Variants in USP13 observed in about 807,000 individuals in gnomAD.
The protein encoded by USP13 is ubiquitin carboxyl-terminal hydrolase 13.
In USP13, 68 loss-of-function variants were observed where a neutral mutation model predicts 107.8. The observed-to-expected ratio is 0.63, with a 90% confidence interval of 0.52 to 0.77. The LOEUF is 0.77. USP13 is among the 30% of genes least tolerant of loss of function. The pLI, the probability that USP13 is intolerant of heterozygous loss-of-function variation, is 0.00. For missense variants in USP13, 945 were observed against 1,093.3 expected (o/e 0.86, Z 1.91); for synonymous variants, 377 against 389.5 (o/e 0.97, Z 0.38).
chr3:179,777,259 T>C (rs1210947165), intron 19 of USP13, among the ~76,000 whole-genome samples: 1 of 152,098 alleles, frequency 6.6e-6, no homozygotes, highest in Non-Finnish European at 1.5e-5. Flanking sequence ...ATTTGTCCTT[T>C]CTCTGTGTCT....
At chr3:179,741,343 G>C (rs1714192755) in intron 11 of USP13, among the ~76,000 whole-genome samples, 1 of 149,750 alleles carries the variant, frequency 6.7e-6, no homozygotes, top group Non-Finnish European at 1.5e-5. Flanking sequence ...TTGTTTCCTT[G>C]TTAGAACTAG....
At chr3:179,732,636 G>A (rs1265708953) in intron 10 of USP13, among the ~76,000 whole-genome samples, 2 of 151,630 alleles carry the variant, frequency 1.3e-5, no homozygotes, top group African/African-American at 4.9e-5. Context: ...GACCGTTTCT[G>A]TGCTCTTGGG....
At chr3:179,737,548 A>G (rs1049819270) in intron 10 of USP13, among the ~76,000 whole-genome samples, 2 of 152,218 alleles carry the variant, frequency 1.3e-5, no homozygotes, top group Non-Finnish European at 2.9e-5. Context: ...GAAAGTCACA[A>G]TTTTTACATA....
chr3:179,733,912 G>T (rs1713896164), intron 10 of USP13, among the ~76,000 whole-genome samples: 1 of 152,170 alleles, frequency 6.6e-6, no homozygotes. Flanking sequence ...TTTGGCTCTG[G>T]AGTCTGTGTT....
At chr3:179,734,255 A>T (rs931921153) in intron 10 of USP13, among the ~76,000 whole-genome samples, 27 of 152,350 alleles carry the variant, frequency 1.8e-4, no homozygotes, top group African/African-American at 6.0e-4. Flanking sequence ...AATATGTTGA[A>T]TTGAATTTTA....
In USP13 at chr3:179,653,498, G is replaced by C. The variant is rs1720151732; in HGVS notation, c.168+105G>C. 13 of 1,447,510 alleles carry C rather than the reference G, an allele frequency of 9.0e-6. No homozygotes were observed. The East Asian group carries it at 2.3e-4, about 26-fold the overall frequency. The allele number at this position is 1,447,510 out of a possible 1,614,324, so 89.7% of individuals were successfully genotyped here. A position where few individuals can be genotyped will look rare whatever the true frequency, so the allele number is the denominator to read the frequency against. On this transcript the variant is annotated intron_variant, in intron 1 of 20. Transcript: ENST00000263966. This position sits in a 1 kb window ranked among gnomAD's most constrained non-coding sequence, Gnocchi z 4.0. ...CGGCCGGGACCTCTTCTCTTCCTCCGGGCGGCAGAGTTGGCTCAGGAACAC... is the reference window on the plus strand; with the variant it reads ...CGGCCGGGACCTCTTCTCTTCCTCCCGGCGGCAGAGTTGGCTCAGGAACAC...
intron 8 of USP13, among the ~76,000 whole-genome samples, chr3:179,726,682 C>CTTTTTT (rs35001051): frequency 6.9e-6 from 1 of 144,246 alleles, no homozygotes. Flanking sequence ...CCCTGGTAGG[C>CTTTTTT]TTTTTTTTTT....
At chr3:179,743,284 G>A (rs1047773311) in intron 12 of USP13, among the ~76,000 whole-genome samples, 2 of 152,078 alleles carry the variant, frequency 1.3e-5, no homozygotes, top group African/African-American at 2.4e-5. Context: ...GAACTTAGAG[G>A]ACAGGTCAGT....
chr3:179,771,054 T>C (rs1715328241), intron 19 of USP13, among the ~76,000 whole-genome samples: 2 of 152,200 alleles, frequency 1.3e-5, no homozygotes, highest in African/African-American at 4.8e-5. Context: ...TATTTTCTCA[T>C]GAAAGCTGGC....
intron 19 of USP13, among the ~76,000 whole-genome samples, chr3:179,772,432 T>C (rs1715369373): frequency 6.6e-6 from 1 of 152,234 alleles, no homozygotes; most frequent in African/African-American, 2.4e-5. Context: ...TTTAGATGTC[T>C]CCGATGCTGC....
chr3:179,704,971 G>A (rs1014126533), intron 4 of USP13, among the ~76,000 whole-genome samples: 58 of 152,112 alleles, frequency 3.8e-4, no homozygotes, highest in African/African-American at 1.4e-3. Context: ...GATCACTCTG[G>A]CTGCTATGCA....
chr3:179,708,000 G>A (rs1712783527), intron 5 of USP13, among the ~76,000 whole-genome samples: 1 of 152,164 alleles, frequency 6.6e-6, no homozygotes, highest in African/African-American at 2.4e-5. Flanking sequence ...TAGTCAAGTT[G>A]GTCTCCTTTC....
At chr3:179,717,163 A>G (rs767220259) in intron 6 of USP13, among the ~76,000 whole-genome samples, 44 of 152,218 alleles carry the variant, frequency 2.9e-4, no homozygotes, top group Admixed American at 2.6e-4. Context: ...TAGTTTCTGC[A>G]CTAAGACCTG....
At chr3:179,760,289 T>C (rs1045297605) in intron 16 of USP13, among the ~76,000 whole-genome samples, 1 of 149,768 alleles carries the variant, frequency 6.7e-6, no homozygotes, top group African/African-American at 2.5e-5. Context: ...AATGTTTTTT[T>C]TTTTTTTTTT....
intron 19 of USP13, among the ~76,000 whole-genome samples, chr3:179,772,445 A>C (rs1715369839): frequency 6.6e-6 from 1 of 152,184 alleles, no homozygotes; most frequent in Non-Finnish European, 1.5e-5. Context: ...GATGCTGCTG[A>C]GATTTTCCAG....
rs546433605 is a variant in USP13 at position 179,654,068 on chromosome 3, G to T, written c.168+675G>T. Among the ~76,000 whole-genome samples, 6 of 152,166 alleles carry T rather than the reference G, an allele frequency of 3.9e-5. No homozygotes were observed. The East Asian group carries it at 7.7e-4, about 20-fold the overall frequency. ...CTACTAAAAAAGAACCCCAAAATTA[G>T]CCGGGCGCGGTGGCGGGAGCCTGTA... On this transcript the variant is annotated intron_variant, in intron 1 of 20. Transcript: ENST00000263966.
chr3:179,750,734 G>A (rs867727889), intron 13 of USP13, among the ~76,000 whole-genome samples: 3 of 152,130 alleles, frequency 2.0e-5, no homozygotes, highest in African/African-American at 4.8e-5. Flanking sequence ...TTTCTAGTGC[G>A]CCAAGCGGTT....
intron 6 of USP13, among the ~76,000 whole-genome samples, chr3:179,709,674 A>T (rs531161609): frequency 6.6e-5 from 10 of 152,166 alleles, no homozygotes; most frequent in African/African-American, 2.4e-4. Flanking sequence ...GAGAAACTTA[A>T]ATATTGAGCA....
chr3:179,715,318 A>G (rs1713072827), intron 6 of USP13, among the ~76,000 whole-genome samples: 1 of 151,494 alleles, frequency 6.6e-6, no homozygotes, highest in Admixed American at 6.6e-5. Flanking sequence ...TTCTCTCTTT[A>G]AAGAGATCCT....
Sources: allele counts gnomAD v4.1 joint callset (sites outside exome capture counted in the v4.1 genomes callset), GRCh38; gene constraint gnomAD v4.1.1; non-coding constraint Gnocchi (gnomAD v3.1); transcripts MANE v1.5; gene names NCBI Gene and HGNC (gene_info 2026-07-23, HGNC 2026-07-21).